DPEP1: variants seen among roughly 807,000 people sequenced by gnomAD.
DPEP1 encodes beta-lactamase.
DPEP1 carries 50 observed loss-of-function variants against 42.3 expected under a neutral mutation model. That is an observed-to-expected ratio of 1.18 (90% confidence interval 0.94 to 1.50). The LOEUF is 1.50. DPEP1 is among the 40% of genes most tolerant of loss of function. The probability of loss-of-function intolerance (pLI) is 0.00; values close to 1 mark genes in which losing one functional copy is unlikely to be tolerated. For missense variants in DPEP1, 663 were observed against 553.0 expected, an observed-to-expected ratio of 1.20 and a Z score of -1.99; for synonymous variants, 297 against 234.0, an observed-to-expected ratio of 1.27 and a Z score of -2.46.
intron 2 of DPEP1, among the ~76,000 whole-genome samples, chr16:89,631,083 C>T (rs1395628749): frequency 6.6e-6 from 1 of 152,106 alleles, no homozygotes; most frequent in Admixed American, 6.6e-5. Context: ...GCCTCAGCTT[C>T]TCCCAAAAGC....
At position 89,635,990 on chromosome 16, in the gene DPEP1, G is replaced by A. The variant is rs771945016; in HGVS notation, c.187G>A (p.Gly63Ser). ...DERANLTTLA[G>S]THTNIPKLRA... ...GAGGGCCAACCTGACCACCTTGGCC[G>A]GCACACACACCAACATCCCCAAGCT... The change falls in exon 3 of 11, where the codon GGC becomes AGC. Residue 63 changes from glycine (G) to serine (S), a missense_variant. Transcript: ENST00000690203. The A allele has an allele frequency of 3.6e-5, 58 of 1,612,144 alleles. 1 individual carries two copies. Among genetic ancestry groups the A allele is most frequent in the South Asian group, 3.0e-4 (27 of 91,048 alleles).
intron 2 of DPEP1, among the ~76,000 whole-genome samples, chr16:89,633,044 C>T (rs2059609732): frequency 6.6e-6 from 1 of 152,166 alleles, no homozygotes; most frequent in Admixed American, 6.5e-5. Flanking sequence ...CTACCCATCC[C>T]AGGCTAATGT....
At chr16:89,627,727 C>G (rs2059533860) in intron 1 of DPEP1, among the ~76,000 whole-genome samples, 1 of 121,106 alleles carries the variant, frequency 8.3e-6, no homozygotes, top group Non-Finnish European at 1.6e-5. Context: ...GTGTTGCAAT[C>G]TCGGCTCACT....
At chr16:89,636,735 C>A (rs1183392614) in intron 5 of DPEP1, 52 bp downstream of exon 5, 17 of 1,604,716 alleles carry the variant, frequency 1.1e-5, no homozygotes, top group Non-Finnish European at 1.3e-5. Context: ...AGGGAGGGGG[C>A]AGACACTCCC....
At chr16:89,627,476 C>T (rs1048306562) in intron 1 of DPEP1, among the ~76,000 whole-genome samples, 8 of 148,290 alleles carry the variant, frequency 5.4e-5, no homozygotes, top group African/African-American at 7.4e-5. Context: ...CCAGCTACTC[C>T]GGAGGCCGAG....
At chr16:89,634,113 G>C (rs1259140875) in intron 2 of DPEP1, among the ~76,000 whole-genome samples, 3 of 58,652 alleles carry the variant, frequency 5.1e-5, no homozygotes, top group African/African-American at 1.1e-4. Context: ...TTTTTGGAGG[G>C]AGTCTCGCTC....
intron 2 of DPEP1, among the ~76,000 whole-genome samples, chr16:89,631,952 A>C (rs1037356947): frequency 1.7e-4 from 26 of 152,192 alleles, no homozygotes; most frequent in Non-Finnish European, 1.6e-4. Flanking sequence ...TGCCAGCTTC[A>C]GCCCTCACAT....
intron 5 of DPEP1, 71 bp downstream of exon 5, chr16:89,636,754 T>C: frequency 6.2e-7 from 1 of 1,602,484 alleles, no homozygotes; most frequent in Non-Finnish European, 8.5e-7. Context: ...CCTGCCACCC[T>C]CCAGAGCCCA....
intron 2 of DPEP1, among the ~76,000 whole-genome samples, chr16:89,633,333 T>C (rs2059613767): frequency 6.6e-6 from 1 of 152,184 alleles, no homozygotes; most frequent in Non-Finnish European, 1.5e-5. Flanking sequence ...TGGGAGAGAC[T>C]CACACCAGCA....
At chr16:89,631,680 A>T (rs1308416588) in intron 2 of DPEP1, among the ~76,000 whole-genome samples, 1 of 152,180 alleles carries the variant, frequency 6.6e-6, no homozygotes. Context: ...ACATGGCGAA[A>T]CCCTGTCTCT....
At chr16:89,625,609 G>T (rs1597752055) in intron 1 of DPEP1, among the ~76,000 whole-genome samples, 1 of 152,218 alleles carries the variant, frequency 6.6e-6, no homozygotes, top group East Asian at 1.9e-4. Flanking sequence ...CTGGGGGCAG[G>T]GAGGGAGGTT....
At position 89,638,183 on chromosome 16, in the gene DPEP1, C is replaced by T; in HGVS notation, c.1197C>T (p.Ala399=). Residue 399 remains alanine, a synonymous_variant, in exon 11 of 11, where the codon GCC becomes GCT. Transcript: ENST00000690203. ...ATCGCCACTGGGGGCTCCTGCTGGC[C>T]TCCCTCGCTCCCCTGGTCCTCTGTC... The part of the protein sequence containing the change: ...SLHRHWGLLL[A]SLAPLVLCLS... 2 of 1,596,040 alleles carry T rather than the reference C, an allele frequency of 1.3e-6. No homozygotes were observed. The highest frequency in any genetic ancestry group is 1.7e-6 in the Non-Finnish European group (2 of 1,169,556).
At chr16:89,629,325 G>C (rs919022934) in intron 1 of DPEP1, among the ~76,000 whole-genome samples, 1 of 152,060 alleles carries the variant, frequency 6.6e-6, no homozygotes, top group Non-Finnish European at 1.5e-5. Flanking sequence ...ACATGGGGAA[G>C]ACCCCATCTC....
At chr16:89,618,699 T>C (rs1014909150) in intron 1 of DPEP1, among the ~76,000 whole-genome samples, 6 of 152,208 alleles carry the variant, frequency 3.9e-5, no homozygotes, top group African/African-American at 1.4e-4. Flanking sequence ...GGTCTCCTTG[T>C]GTTGCCCCGG....
downstream of DPEP1, among the ~76,000 whole-genome samples, chr16:89,640,316 A>G (rs963490553): frequency 1.3e-5 from 2 of 152,314 alleles, no homozygotes; most frequent in East Asian, 1.9e-4. Flanking sequence ...CACTGGGCCC[A>G]GGTCACTTCC....
chr16:89,621,627 T>A (rs2059447200), intron 1 of DPEP1, among the ~76,000 whole-genome samples: 1 of 152,210 alleles, frequency 6.6e-6, no homozygotes, highest in African/African-American at 2.4e-5. Context: ...GGTGGTCAGA[T>A]GGGCCCCACG....
At chr16:89,617,846 A>C (rs1255597489) in intron 1 of DPEP1, among the ~76,000 whole-genome samples, 2 of 138,618 alleles carry the variant, frequency 1.4e-5, no homozygotes, top group African/African-American at 5.3e-5. Context: ...CAACATGGTG[A>C]AACCCCATCT....
chr16:89,636,696 C>A lies in DPEP1; in HGVS notation c.521+13C>A, dbSNP rs1410384180. The A allele has an allele frequency of 5.0e-6, 8 of 1,611,610 alleles. No individual in the cohort carries two copies. Among genetic ancestry groups the A allele is most frequent in the Non-Finnish European group, 6.8e-6 (8 of 1,179,654 alleles). ...GCAACACGCCCTGGTGCGTGACTCCCCATGGGAGGCCCCCGGGCTGTGGTC... is the reference window on the plus strand; with the variant it reads ...GCAACACGCCCTGGTGCGTGACTCCACATGGGAGGCCCCCGGGCTGTGGTC... On this transcript the variant is annotated intron_variant, in intron 5 of 10. Transcript: ENST00000690203.
intron 10 of DPEP1, 22 bp downstream of exon 10, chr16:89,637,993 G>T: frequency 6.2e-7 from 1 of 1,607,472 alleles, no homozygotes; most frequent in Non-Finnish European, 8.5e-7. Flanking sequence ...GTGGCCACCT[G>T]AGTCTCCCCC....
Sources: allele counts gnomAD v4.1 joint callset (sites outside exome capture counted in the v4.1 genomes callset), GRCh38; gene constraint gnomAD v4.1.1; transcripts MANE v1.5; gene names NCBI Gene and HGNC (gene_info 2026-07-23, HGNC 2026-07-21).